TMEM116: variants seen among roughly 807,000 people sequenced by gnomAD.
TMEM116 encodes transmembrane protein 116.
In TMEM116, 38 loss-of-function variants were observed where a neutral mutation model predicts 44.3. The ratio of observed to expected loss-of-function variants is 0.86; its 90% CI spans 0.66 to 1.12. The LOEUF (loss-of-function observed/expected upper bound fraction) is 1.12. Ranked by LOEUF, TMEM116 falls within the 50% of genes most tolerant of loss-of-function variation. The pLI is 0.00. For missense variants in TMEM116, 354 were observed against 401.7 expected, an observed-to-expected ratio of 0.88 and a Z score of 1.01; for synonymous variants, 132 against 144.8, an observed-to-expected ratio of 0.91 and a Z score of 0.64.
chr12:111,990,687 G>A (rs1049734516), intron 4 of TMEM116, among the ~76,000 whole-genome samples: 2 of 152,064 alleles, frequency 1.3e-5, no homozygotes, highest in East Asian at 1.9e-4. Context: ...TTCACACTGC[G>A]TGTCTCAGAA....
At chr12:111,981,641 A>G (rs1002113963) in intron 4 of TMEM116, among the ~76,000 whole-genome samples, 46 of 152,190 alleles carry the variant, frequency 3.0e-4, no homozygotes, top group Non-Finnish European at 4.0e-4. Flanking sequence ...CTTCTGGGGC[A>G]AGGGACAACA....
At chr12:111,990,787 C>T (rs761359979) in intron 4 of TMEM116, among the ~76,000 whole-genome samples, 3 of 152,158 alleles carry the variant, frequency 2.0e-5, no homozygotes, top group Non-Finnish European at 4.4e-5. Context: ...ATATGATTAT[C>T]TGTAGTATTT....
chr12:111,967,700 T>C (rs1355287281), intron 4 of TMEM116, among the ~76,000 whole-genome samples: 3 of 152,030 alleles, frequency 2.0e-5, no homozygotes, highest in Non-Finnish European at 4.4e-5. Context: ...TAATGATCCC[T>C]ACATAGGTGG....
chr12:112,003,921 T>G lies in TMEM116; in HGVS notation c.15-58A>C, dbSNP rs1290240411. On this transcript the variant is annotated intron_variant, in intron 2 of 10. Transcript: ENST00000552374. Reference sequence around the variant, plus strand: ...GCAGGACAATGGAGTGCCATCGTTTTTGTTATTAATTTTGGGTTTTTTTTA... The same window carrying G: ...GCAGGACAATGGAGTGCCATCGTTTGTGTTATTAATTTTGGGTTTTTTTTA... 5 of 1,425,692 alleles carry G rather than the reference T, an allele frequency of 3.5e-6. No homozygotes were observed. In the African/African-American group the frequency reaches 7.5e-5, roughly 21 times the overall value. The allele number at this position is 1,425,692 out of a possible 1,614,324, so 88.3% of individuals were successfully genotyped here.
intron 4 of TMEM116, among the ~76,000 whole-genome samples, chr12:111,978,101 T>TAAA (rs761114406): frequency 7.2e-6 from 1 of 138,348 alleles, no homozygotes; most frequent in Non-Finnish European, 1.6e-5. Context: ...TAGAGTAGAT[T>TAAA]AAAAAAAAAA....
rs138225244 is a variant in TMEM116 at position 111,989,987 on chromosome 12, G to A, written c.210+1771C>T. On this transcript the variant is annotated intron_variant, in intron 4 of 10. Transcript: ENST00000552374. ...AATAAAGTAACAGGCCGGGTGCAGTGGTTCACGCCTGTAATCCCAGCACTT... is the reference window on the plus strand; with the variant it reads ...AATAAAGTAACAGGCCGGGTGCAGTAGTTCACGCCTGTAATCCCAGCACTT... 3.7e-3 allele frequency among the ~76,000 whole-genome samples: 563 copies of A among 152,278 alleles called. 2 individuals carry two copies. Among genetic ancestry groups the A allele is most frequent in the African/African-American group, 0.013 (537 of 41,562 alleles).
rs201670093 is a variant in TMEM116, at chr12:111,945,368, A to C, written c.211-1999T>G. ...CAAAAAAAAAAAAAAAAAAAAAAAA[A>C]AGAAGAAGAAATAGGTAATTTCATT... On this transcript the variant is annotated intron_variant, in intron 4 of 10. Transcript: ENST00000552374. Among the ~76,000 whole-genome samples, 8 of 147,862 alleles carry C rather than the reference A, an allele frequency of 5.4e-5. No homozygotes were observed. The East Asian group carries it at 1.6e-3, about 29-fold the overall frequency.
chr12:111,998,448 C>A (rs2077048665), intron 3 of TMEM116, among the ~76,000 whole-genome samples: 1 of 152,208 alleles, frequency 6.6e-6, no homozygotes, highest in African/African-American at 2.4e-5. Context: ...TCAACTTTCA[C>A]ATAAATAATC....
intron 4 of TMEM116, among the ~76,000 whole-genome samples, chr12:111,959,241 C>T (rs2136371357): frequency 6.6e-6 from 1 of 152,240 alleles, no homozygotes; most frequent in Non-Finnish European, 1.5e-5. Context: ...TCATATCCAG[C>T]CAAATTAAGC....
At chr12:111,946,390 T>C (rs565944620) in intron 4 of TMEM116, among the ~76,000 whole-genome samples, 25 of 152,236 alleles carry the variant, frequency 1.6e-4, no homozygotes, top group Non-Finnish European at 2.5e-4. Flanking sequence ...ATTAGTTCTA[T>C]AGATTATAGA....
intron 3 of TMEM116, among the ~76,000 whole-genome samples, chr12:111,997,240 T>C (rs891679078): frequency 1.3e-5 from 2 of 152,060 alleles, no homozygotes; most frequent in Non-Finnish European, 2.9e-5. Context: ...TATCTCACAA[T>C]AAAAAAATAC....
intron 4 of TMEM116, among the ~76,000 whole-genome samples, chr12:111,977,990 T>C (rs972684210): frequency 6.7e-6 from 1 of 148,946 alleles, no homozygotes; most frequent in Non-Finnish European, 1.5e-5. Flanking sequence ...AAGAGGAAGA[T>C]AAAGAACAGA....
At chr12:112,009,705 G>T (rs1593704354) in intron 1 of TMEM116, among the ~76,000 whole-genome samples, 1 of 151,702 alleles carries the variant, frequency 6.6e-6, no homozygotes, top group Non-Finnish European at 1.5e-5. Context: ...AATTAGCCAG[G>T]TGTGGTGGCA....
intron 4 of TMEM116, among the ~76,000 whole-genome samples, chr12:111,948,390 T>C (rs2073446044): frequency 6.6e-6 from 1 of 152,114 alleles, no homozygotes. Flanking sequence ...AGGGCTAGAA[T>C]AGGAAAAGGG....
Position 111,931,614 on chromosome 12 carries a change from T to G in TMEM116, c.*7A>C, listed in dbSNP as rs1565856861. 1 of 1,612,750 alleles carries G rather than the reference T, an allele frequency of 6.2e-7. No individual in the cohort carries two copies. The highest frequency in any genetic ancestry group is 1.7e-4 in the Middle Eastern group (1 of 6,052). On this transcript the variant is annotated 3_prime_UTR_variant, in exon 11 of 11. Transcript: ENST00000552374. ...CTCCAGTTCCTGGATGTTCCAGTAT[T>G]GTAGTTTCAAAAAATGGTAGAAGTA...
intron 3 of TMEM116, among the ~76,000 whole-genome samples, chr12:112,002,217 C>G (rs1474407032): frequency 6.6e-6 from 1 of 151,906 alleles, no homozygotes; most frequent in African/African-American, 2.4e-5. Flanking sequence ...AATCCCAGCA[C>G]TTTGGGAGGT....
At chr12:111,936,979 T>C (rs2072216273) in intron 7 of TMEM116, 149 bp from the exon 8 acceptor site, 3 of 1,038,938 alleles carry the variant, frequency 2.9e-6, no homozygotes, top group Admixed American at 2.6e-5. Flanking sequence ...CATTATCTTG[T>C]AGTCATTTTG....
At chr12:112,009,235 A>C (rs1272969068) in intron 1 of TMEM116, among the ~76,000 whole-genome samples, 1 of 152,282 alleles carries the variant, frequency 6.6e-6, no homozygotes, top group East Asian at 1.9e-4. Context: ...GCACCTGACT[A>C]CTCTAAATAA....
At position 111,937,188 on chromosome 12, in the gene TMEM116, A is replaced by T. The variant is rs776420741; in HGVS notation, c.421T>A (p.Cys141Ser). The T allele has an allele frequency of 1.2e-6, 2 of 1,613,944 alleles. No individual in the cohort carries two copies. The highest frequency in any genetic ancestry group is 1.7e-6 in the Non-Finnish European group (2 of 1,179,888). The change falls in exon 7 of 11, where the codon TGT (cysteine) becomes AGT (serine). Residue 141 changes from cysteine (C) to serine (S), a missense_variant. By Grantham distance (112) the Cys-to-Ser change is moderately radical. Coordinates refer to ENST00000552374, the MANE Select transcript of TMEM116 (RefSeq NM_001193531.2). ...TGGCTCTGACTGAAGTTTTGGAAAC[A>T]TTCACTAGTATTTCCCAGACAGAAT... ...PVFCLGNTSE[C>S]FQNFSQSHKC...
Sources: gnomAD v4.1 joint callset for allele counts (sites outside exome capture counted in the v4.1 genomes callset) on GRCh38, gnomAD v4.1.1 for gene constraint, MANE v1.5 for transcripts, NCBI Gene and HGNC (gene_info 2026-07-23, HGNC 2026-07-21) for gene names.